The following KIRREL3 variants were observed in gnomAD, a reference collection of about 807,000 sequenced individuals.
KIRREL3 encodes the protein kin of IRRE-like protein 3.
In KIRREL3, 36 loss-of-function variants were observed where a neutral mutation model predicts 89.7. That is an observed-to-expected ratio of 0.40 (90% CI 0.31 to 0.53). The LOEUF (loss-of-function observed/expected upper bound fraction) is 0.53, where lower values mean the gene tolerates loss of function less well. Ranked by LOEUF, KIRREL3 falls within the 20% of genes least tolerant of loss-of-function variation. The pLI is 0.49. For missense variants in KIRREL3, 864 were observed against 1,056.6 expected, an observed-to-expected ratio of 0.82 and a Z score of 2.53; for synonymous variants, 445 against 441.4, an observed-to-expected ratio of 1.01 and a Z score of -0.10.
intron 1 of KIRREL3, among the ~76,000 whole-genome samples, chr11:126,785,859 C>T (rs562775994): frequency 7.2e-5 from 8 of 111,076 alleles, no homozygotes; most frequent in Admixed American, 2.8e-4. Flanking sequence ...GGTGACACAG[C>T]GAGACTCCGT....
intron 5 of KIRREL3, among the ~76,000 whole-genome samples, chr11:126,472,656 A>G (rs1956926275): frequency 6.7e-6 from 1 of 148,596 alleles, no homozygotes; most frequent in Non-Finnish European, 1.5e-5. Context: ...TCGTCTGACC[A>G]TGGCCTATTG....
chr11:126,932,169 C>G (rs574627199), intron 1 of KIRREL3, among the ~76,000 whole-genome samples: 1 of 152,336 alleles, frequency 6.6e-6, no homozygotes, highest in East Asian at 1.9e-4. Context: ...GATTCTCAAA[C>G]AGCCTCTCGC....
At chr11:126,619,946 T>G (rs11220558) in intron 1 of KIRREL3, among the ~76,000 whole-genome samples, 3,592 of 152,204 alleles carry the variant, frequency 0.024, 39 homozygotes, top group Middle Eastern at 0.088. Context: ...TCTTGACCAA[T>G]TAGTGATCCC....
At chr11:126,585,863 G>A (rs1054522466) in intron 1 of KIRREL3, among the ~76,000 whole-genome samples, 4 of 152,244 alleles carry the variant, frequency 2.6e-5, no homozygotes, top group Non-Finnish European at 4.4e-5. Context: ...TAAAGCTCCC[G>A]CACGGAACGT....
rs918045965 is a variant in KIRREL3 at position 126,687,278 on chromosome 11, C to T, written c.56-124366G>A. Among the ~76,000 whole-genome samples, 1 of 152,340 alleles carries T rather than the reference C, an allele frequency of 6.6e-6. No homozygotes were observed. Among genetic ancestry groups the T allele is most frequent in the African/African-American group, 2.4e-5 (1 of 41,586 alleles). ...CTAAGCAAATTCAGAGTCACCCTAA[C>T]TTGGGTCATTTGCATCACAAAATTG... On this transcript the variant is annotated intron_variant, in intron 1 of 16. Coordinates refer to ENST00000525144, the MANE Select transcript of KIRREL3 (RefSeq NM_032531.4). The surrounding 1 kb of genome is among the most constrained non-coding windows in gnomAD (Gnocchi z 4.6).
chr11:126,735,754 A>G (rs944108664), intron 1 of KIRREL3, among the ~76,000 whole-genome samples: 14 of 152,276 alleles, frequency 9.2e-5, no homozygotes, highest in African/African-American at 3.1e-4. Context: ...AAGAGGAGAC[A>G]TAAACTCATT....
Position 126,997,564 on chromosome 11 carries a change from A to G in KIRREL3, c.55+2891T>C, listed in dbSNP as rs1950211387. Among the ~76,000 whole-genome samples, 1 of 152,228 alleles carries G rather than the reference A, an allele frequency of 6.6e-6. No individual in the cohort carries two copies. Among genetic ancestry groups the G allele is most frequent in the Non-Finnish European group, 1.5e-5 (1 of 68,048 alleles). On this transcript the variant is annotated intron_variant, in intron 1 of 16. Transcript: ENST00000525144. This position sits in a 1 kb window ranked among gnomAD's most constrained non-coding sequence, Gnocchi z 4.3. Reference sequence around the variant, plus strand: ...AACTTTCAAAGAATAGGGACCCACCATATTACTGATATTAATTATACATTG... The same window carrying G: ...AACTTTCAAAGAATAGGGACCCACCGTATTACTGATATTAATTATACATTG...
At chr11:126,984,389 G>A (rs1949798699) in intron 1 of KIRREL3, among the ~76,000 whole-genome samples, 1 of 152,166 alleles carries the variant, frequency 6.6e-6, no homozygotes, top group African/African-American at 2.4e-5. Context: ...ATGAGGAGTT[G>A]TGATGAGTGC....
Position 126,535,925 on chromosome 11 carries a change from C to T in KIRREL3, c.134-9238G>A, listed in dbSNP as rs900792474. 6.6e-6 allele frequency among the ~76,000 whole-genome samples: 1 copy of T among 152,130 alleles called. No individual in the cohort carries two copies. The highest frequency in any genetic ancestry group is 2.4e-5 in the African/African-American group (1 of 41,424). On this transcript the variant is annotated intron_variant, in intron 2 of 16. Transcript: ENST00000525144. This position sits in a 1 kb window ranked among gnomAD's most constrained non-coding sequence, Gnocchi z 4.5. ...CATAGAACCTGGGAGGCGGAGGTTG[C>T]AGTGAGCCAAGATCGCACCATTGCA...
At position 126,940,328 on chromosome 11, in the gene KIRREL3, A is replaced by G. The variant is rs1049403378; in HGVS notation, c.55+60127T>C. Reference sequence around the variant, plus strand: ...AGTTGTTTCTTTTTTCTTTTATTTCAGCAGGGTTCCAGATAATAAAAAGAT... The same window carrying G: ...AGTTGTTTCTTTTTTCTTTTATTTCGGCAGGGTTCCAGATAATAAAAAGAT... On this transcript the variant is annotated intron_variant, in intron 1 of 16. Transcript: ENST00000525144. This position sits in a 1 kb window ranked among gnomAD's most constrained non-coding sequence, Gnocchi z 4.6. 2.0e-5 allele frequency: 3 copies of G among 152,144 alleles called. No individual in the cohort carries two copies. Among genetic ancestry groups the G allele is most frequent in the African/African-American group, 7.2e-5 (3 of 41,440 alleles). 9.4% of individuals were successfully genotyped at this position (152,144 alleles called of 1,614,324 possible).
At chr11:126,765,399 G>A (rs1368053162) in intron 1 of KIRREL3, among the ~76,000 whole-genome samples, 2 of 152,092 alleles carry the variant, frequency 1.3e-5, no homozygotes, top group Admixed American at 6.5e-5. Context: ...AATCTAAAAC[G>A]AAACCAGCAA....
At chr11:126,661,128 C>A (rs1945382554) in intron 1 of KIRREL3, among the ~76,000 whole-genome samples, 1 of 152,168 alleles carries the variant, frequency 6.6e-6, no homozygotes. Context: ...ATAGAAAGCA[C>A]AATGTTGTAA....
intron 1 of KIRREL3, among the ~76,000 whole-genome samples, chr11:126,599,840 T>A (rs1366431467): frequency 2.6e-5 from 4 of 152,164 alleles, no homozygotes; most frequent in Non-Finnish European, 5.9e-5. Flanking sequence ...GGTTTCCATT[T>A]TCTTAGACTA....
At chr11:126,934,634 A>G (rs1226613595) in intron 1 of KIRREL3, among the ~76,000 whole-genome samples, 1 of 152,244 alleles carries the variant, frequency 6.6e-6, no homozygotes, top group Non-Finnish European at 1.5e-5. Flanking sequence ...GATGAAATTC[A>G]AGAGTATTAA....
intron 1 of KIRREL3, among the ~76,000 whole-genome samples, chr11:126,806,124 G>T (rs1239240701): frequency 6.6e-6 from 1 of 152,178 alleles, no homozygotes; most frequent in African/African-American, 2.4e-5. Flanking sequence ...ACAAAGAGAG[G>T]CTGGGGACTG....
intron 1 of KIRREL3, among the ~76,000 whole-genome samples, chr11:126,784,076 A>C (rs1289111953): frequency 2.6e-5 from 4 of 152,226 alleles, no homozygotes; most frequent in African/African-American, 7.2e-5. Flanking sequence ...GAAGGTCATA[A>C]AAAACAAACA....
chr11:126,531,285 CTT>C lies in KIRREL3; in HGVS notation c.134-4600_134-4599del, dbSNP rs913261976. 6.6e-6 allele frequency among the ~76,000 whole-genome samples: 1 copy of C among 152,218 alleles called. No homozygotes were observed. The highest frequency in any genetic ancestry group is 2.4e-5 in the African/African-American group (1 of 41,456). On this transcript the variant is annotated intron_variant, in intron 2 of 16. Transcript: ENST00000525144. The surrounding 1 kb of genome is among the most constrained non-coding windows in gnomAD (Gnocchi z 4.7). ...TCTTGCCACAGACTCTGAATGTTCT[CTT>C]TGCCTGATCCATTAATGTGCTGAAC...
At chr11:126,633,425 G>A (rs1005263181) in intron 1 of KIRREL3, among the ~76,000 whole-genome samples, 1 of 152,150 alleles carries the variant, frequency 6.6e-6, no homozygotes, top group South Asian at 2.1e-4. Context: ...TTTGGGTTGT[G>A]GGGGTGGATC....
chr11:126,840,297 G>A (rs1223608014), intron 1 of KIRREL3, among the ~76,000 whole-genome samples: 1 of 152,134 alleles, frequency 6.6e-6, no homozygotes, highest in Non-Finnish European at 1.5e-5. Flanking sequence ...TGAGCATAAG[G>A]ATTGGCTCAT....
Sources: allele counts gnomAD v4.1 joint callset (sites outside exome capture counted in the v4.1 genomes callset), GRCh38; gene constraint gnomAD v4.1.1; non-coding constraint Gnocchi (gnomAD v3.1); transcripts MANE v1.5; gene names NCBI Gene and HGNC (gene_info 2026-07-23, HGNC 2026-07-21).